FAM3B: variants seen among roughly 807,000 people sequenced by gnomAD.
FAM3B encodes FAM3 metabolism regulating signaling molecule B.
In FAM3B, 29 loss-of-function variants were observed where a neutral mutation model predicts 28.4. The observed-to-expected ratio is 1.02, with a 90% CI of 0.76 to 1.39. The LOEUF (loss-of-function observed/expected upper bound fraction) is 1.39, where lower values mean the gene tolerates loss of function less well. FAM3B is among the 40% of genes most tolerant of loss of function. The probability of loss-of-function intolerance (pLI) is 0.00; values close to 1 mark genes in which losing one functional copy is unlikely to be tolerated. For synonymous variants in FAM3B, 91 were observed against 103.0 expected (o/e 0.88, Z 0.71); for missense variants, 266 against 293.9 (o/e 0.91, Z 0.69).
intron 1 of FAM3B, among the ~76,000 whole-genome samples, chr21:41,305,319 G>C (rs1277004087): frequency 6.6e-6 from 1 of 152,166 alleles, no homozygotes; most frequent in African/African-American, 2.4e-5. Flanking sequence ...AAAGGGTAAG[G>C]AGCAGTCCCA....
intron 2 of FAM3B, among the ~76,000 whole-genome samples, chr21:41,324,026 A>G (rs1229372647): frequency 6.6e-6 from 1 of 152,172 alleles, no homozygotes; most frequent in African/African-American, 2.4e-5. Flanking sequence ...CCTTCTGGCA[A>G]ACGAGGTCTC....
At chr21:41,304,768 A>G (rs1277539282) in intron 1 of FAM3B, among the ~76,000 whole-genome samples, 3 of 152,178 alleles carry the variant, frequency 2.0e-5, no homozygotes, top group Admixed American at 2.0e-4. Context: ...CTTGTCCCTG[A>G]AAACATTGGG....
Position 41,348,684 on chromosome 21 carries a change from CA to C in FAM3B, c.582del (p.Gly195AlafsTer32), listed in dbSNP as rs764092218. 14 of 1,614,184 alleles carry C rather than the reference CA, an allele frequency of 8.7e-6. No homozygotes were observed. The highest frequency in any genetic ancestry group is 1.2e-5 in the Non-Finnish European group (14 of 1,180,032). Reference protein sequence around the residue: ...KFRSSWVFIAAKGLELPSEIQ... With the variant: ...KFRSSWVFIAXKGLELPSEIQ... The stretch of plus-strand genomic sequence containing the variant: ...AGGTCTAGCTGGGTATTTATTGCAG[CA>C]AAAGGCTTGGAACTCCCTTCCGAAA... On this transcript the variant is annotated frameshift_variant, in exon 7 of 8. Coordinates refer to ENST00000357985, the MANE Select transcript of FAM3B (RefSeq NM_058186.4). LOFTEE classifies it low-confidence loss of function (END_TRUNC).
chr21:41,312,932 C>A (rs11909970), upstream of FAM3B, among the ~76,000 whole-genome samples: 4,570 of 152,280 alleles, frequency 0.03, 216 homozygotes, highest in African/African-American at 0.1. Context: ...TAGGGGAGGC[C>A]TTCAAGGAAG....
chr21:41,306,074 A>G (rs1403842685), intron 1 of FAM3B, among the ~76,000 whole-genome samples: 1 of 152,244 alleles, frequency 6.6e-6, no homozygotes, highest in Non-Finnish European at 1.5e-5. Context: ...CCAAGAGTAG[A>G]TTCCATCTCA....
intron 1 of FAM3B, among the ~76,000 whole-genome samples, chr21:41,318,608 C>T (rs1265568035): frequency 1.3e-5 from 2 of 152,170 alleles, no homozygotes; most frequent in Non-Finnish European, 2.9e-5. Flanking sequence ...AAAATACTGA[C>T]CATCCACCCT....
At chr21:41,356,539 C>T (rs2089169073) in intron 7 of FAM3B, among the ~76,000 whole-genome samples, 2 of 152,126 alleles carry the variant, frequency 1.3e-5, no homozygotes, top group Non-Finnish European at 2.9e-5. Flanking sequence ...TCCTTTGCAC[C>T]ATTGTAAAGT....
At chr21:41,305,293 G>A (rs2088677675) in intron 1 of FAM3B, among the ~76,000 whole-genome samples, 1 of 152,132 alleles carries the variant, frequency 6.6e-6, no homozygotes, top group South Asian at 2.1e-4. Context: ...TGAGGAGTGA[G>A]GACATGGGGA....
At position 41,322,932 on chromosome 21, in the gene FAM3B, A is replaced by G. The variant is rs772740036; in HGVS notation, c.29A>G (p.Lys10Arg). 6.2e-7 allele frequency: 1 copy of G among 1,613,994 alleles called. No homozygotes were observed. The highest frequency in any genetic ancestry group is 1.1e-5 in the South Asian group (1 of 91,088). ...GGTGTCCTCTCTGCAGGCCTGCTCA[A>G]GGTGGTGTTCGTGGTCTTCGCCTCC... MRPLAGGLL[K>R]VVFVVFASLC... The change falls in exon 2 of 8, where the codon AAG (lysine) becomes AGG (arginine). Residue 10 changes from lysine to arginine, a missense_variant. Physicochemically the swap from Lys to Arg is conservative, Grantham distance 26. Transcript: ENST00000357985.
chr21:41,349,446 G>T (rs1004876032), intron 7 of FAM3B, among the ~76,000 whole-genome samples: 13 of 152,132 alleles, frequency 8.5e-5, no homozygotes, highest in African/African-American at 2.9e-4. Context: ...TGACCAAGGC[G>T]CGAGACTTCC....
At position 41,329,306 on chromosome 21, in the gene FAM3B, A is replaced by G. The variant is rs2088883605; in HGVS notation, c.163+6240A>G. Among the ~76,000 whole-genome samples, 4 of 152,214 alleles carry G rather than the reference A, an allele frequency of 2.6e-5. No individual in the cohort carries two copies. In the South Asian group the frequency reaches 8.3e-4, roughly 32 times the overall value. ...TTTTAAATTGTGTGTCATTTTGATT[A>G]GTGTGATGTAATCTCACACCTTCTC... On this transcript the variant is annotated intron_variant, in intron 2 of 7. Coordinates refer to ENST00000357985, the MANE Select transcript of FAM3B (RefSeq NM_058186.4).
At chr21:41,322,758 T>C (rs557045913) in intron 1 of FAM3B, 165 bp from the exon 2 acceptor site, 2 of 908,390 alleles carry the variant, frequency 2.2e-6, no homozygotes, top group East Asian at 2.6e-5. Flanking sequence ...TCAAAGGTCC[T>C]GACACCGCCT....
intron 2 of FAM3B, among the ~76,000 whole-genome samples, chr21:41,328,126 G>A (rs1446819461): frequency 4.6e-5 from 7 of 152,182 alleles, no homozygotes; most frequent in Admixed American, 3.3e-4. Context: ...ACTGCCCACG[G>A]GAAAGTGGAC....
chr21:41,316,883 C>G lies in FAM3B; in HGVS notation c.4C>G (p.Arg2Gly), dbSNP rs762961799. The G allele has an allele frequency of 2.1e-6, 3 of 1,402,190 alleles. No homozygotes were observed. Among genetic ancestry groups the G allele is most frequent in the South Asian group, 3.2e-5 (2 of 63,310 alleles). The allele number at this position is 1,402,190 out of a possible 1,614,324, so 86.9% of individuals were successfully genotyped here. The change falls in exon 1 of 8, where the codon CGC becomes GGC. Residue 2 changes from arginine (R) to glycine (G), a missense_variant. Physicochemically the swap from Arg to Gly is moderately radical, Grantham distance 125 (BLOSUM62 -2). Coordinates refer to ENST00000357985, the MANE Select transcript of FAM3B (RefSeq NM_058186.4). Reference protein sequence around the residue: MRPLAGGLLKVV... With the variant: MGPLAGGLLKVV... ...GGAGGGGAGCGGCACCTGGAAGATG[C>G]GCCCATTGGCTGGTGGTGAGTGCGC...
At chr21:41,319,346 C>T (rs1215422930) in intron 1 of FAM3B, 3 of 152,240 alleles carry the variant, frequency 2.0e-5, no homozygotes, top group African/African-American at 7.2e-5. Context: ...AGTTCACTAG[C>T]TTTCCCCCTG....
At chr21:41,335,939 C>T (rs1001799534) in intron 2 of FAM3B, among the ~76,000 whole-genome samples, 12 of 152,182 alleles carry the variant, frequency 7.9e-5, no homozygotes, top group African/African-American at 2.7e-4. Context: ...ATTCAAGTCT[C>T]CTCTACCCAG....
chr21:41,338,417 C>A lies in FAM3B; in HGVS notation c.203C>A (p.Pro68His). ...AGGCAAAAATGTGACCACTGGACTCCCTGCCCATCTGACACCTATGCCTAC... is the reference window on the plus strand; with the variant it reads ...AGGCAAAAATGTGACCACTGGACTCACTGCCCATCTGACACCTATGCCTAC... Reference protein sequence around the residue: ...PKRQKCDHWTPCPSDTYAYRL... With the variant: ...PKRQKCDHWTHCPSDTYAYRL... Residue 68 changes from proline to histidine, a missense_variant, in exon 3 of 8, where the codon CCC (proline) becomes CAC (histidine). Coordinates refer to ENST00000357985, the MANE Select transcript of FAM3B (RefSeq NM_058186.4). The A allele has an allele frequency of 6.2e-7, 1 of 1,614,176 alleles. No homozygotes were observed. The highest frequency in any genetic ancestry group is 8.5e-7 in the Non-Finnish European group (1 of 1,180,030).
At chr21:41,310,515 G>A (rs539834300) in intron 1 of FAM3B, among the ~76,000 whole-genome samples, 2 of 152,298 alleles carry the variant, frequency 1.3e-5, no homozygotes, top group African/African-American at 4.8e-5. Context: ...CATTGCCTGA[G>A]ATCTAGTAGG....
chr21:41,329,072 C>A (rs1179802594), intron 2 of FAM3B, among the ~76,000 whole-genome samples: 1 of 152,198 alleles, frequency 6.6e-6, no homozygotes, highest in African/African-American at 2.4e-5. Context: ...ATGGCTGAAT[C>A]AAGCCACTTA....
Sources: gnomAD v4.1 joint callset for allele counts (sites outside exome capture counted in the v4.1 genomes callset) on GRCh38, gnomAD v4.1.1 for gene constraint, MANE v1.5 for transcripts, NCBI Gene and HGNC (gene_info 2026-07-23, HGNC 2026-07-21) for gene names.